The following SIPA1L3 variants were observed in gnomAD, a reference collection of about 807,000 sequenced individuals.
SIPA1L3 encodes the protein signal-induced proliferation-associated 1-like protein 3.
SIPA1L3 carries 59 observed loss-of-function variants against 150.1 expected under a neutral mutation model. The ratio of observed to expected loss-of-function variants is 0.39; its 90% CI spans 0.32 to 0.49. SIPA1L3 has a LOEUF of 0.49. Ranked by LOEUF, SIPA1L3 falls within the 20% of genes least tolerant of loss-of-function variation. The probability of loss-of-function intolerance (pLI) is 0.86; values close to 1 mark genes in which losing one functional copy is unlikely to be tolerated. For missense variants in SIPA1L3, 2,211 were observed against 2,489.5 expected, an observed-to-expected ratio of 0.89 and a Z score of 2.38; for synonymous variants, 1,070 against 1,077.6, an observed-to-expected ratio of 0.99 and a Z score of 0.14.
intron 16 of SIPA1L3, among the ~76,000 whole-genome samples, chr19:38,190,248 T>C (rs1402629993): frequency 6.6e-6 from 1 of 152,112 alleles, no homozygotes; most frequent in African/African-American, 2.4e-5. Context: ...TGCCGGGAGA[T>C]GGGCACCATG....
At chr19:38,031,200 T>C (rs1968647193) in intron 2 of SIPA1L3, among the ~76,000 whole-genome samples, 1 of 152,214 alleles carries the variant, frequency 6.6e-6, no homozygotes, top group Non-Finnish European at 1.5e-5. Flanking sequence ...ATGTCTACCC[T>C]ACATCCAGCT....
chr19:38,157,117 TCCACTACA>T (rs1218617547), intron 13 of SIPA1L3, among the ~76,000 whole-genome samples: 1 of 152,092 alleles, frequency 6.6e-6, no homozygotes, highest in Non-Finnish European at 1.5e-5. Context: ...CAAGCCATGA[TCCACTACA>T]CTCCAGCCTG....
At chr19:38,049,093 G>C (rs374691406) in intron 2 of SIPA1L3, among the ~76,000 whole-genome samples, 10 of 151,368 alleles carry the variant, frequency 6.6e-5, no homozygotes, top group African/African-American at 1.7e-4. Flanking sequence ...AAAAAAAAGC[G>C]GGGGGTGGAC....
At chr19:38,148,363 A>AG (rs1971745346) in intron 12 of SIPA1L3, among the ~76,000 whole-genome samples, 1 of 151,910 alleles carries the variant, frequency 6.6e-6, no homozygotes, top group Non-Finnish European at 1.5e-5. Context: ...AAAAAAAAAA[A>AG]AAGTTGGGGG....
chr19:38,110,203 T>C (rs1323389653), intron 7 of SIPA1L3, 24 bp from the exon 8 acceptor site: 1 of 1,611,354 alleles, frequency 6.2e-7, no homozygotes, highest in East Asian at 2.2e-5. Context: ...CAGGTTCCTG[T>C]CCCCCTCTGT....
intron 1 of SIPA1L3, among the ~76,000 whole-genome samples, chr19:37,951,998 T>C (rs1455634543): frequency 2.0e-5 from 3 of 151,830 alleles, no homozygotes; most frequent in Non-Finnish European, 4.4e-5. Context: ...TTCAGGTCAT[T>C]CCTTATCTTC....
At chr19:38,143,047 C>T (rs1159899562) in intron 12 of SIPA1L3, among the ~76,000 whole-genome samples, 1 of 152,168 alleles carries the variant, frequency 6.6e-6, no homozygotes, top group Non-Finnish European at 1.5e-5. Context: ...CCAGCATTAC[C>T]CAGTTTTCGA....
In SIPA1L3 at chr19:38,101,177, G is replaced by A. The variant is rs147083222; in HGVS notation, c.1980G>A (p.Lys660=). The change falls in exon 6 of 22, where the codon AAG becomes AAA. Residue 660 remains lysine, a synonymous_variant. Coordinates refer to ENST00000222345, the MANE Select transcript of SIPA1L3 (RefSeq NM_015073.3). ...FEEFLSLIGE[K]VCLKGFTKYA... ...AGTTCCTCTCCCTCATCGGCGAGAA[G>A]GTCTGCCTGAAGGGCTTCACCAAGT... 8,533 of 1,606,544 alleles carry A rather than the reference G, an allele frequency of 5.3e-3. 80 individuals carry two copies. Among genetic ancestry groups the A allele is most frequent in the Admixed American group, 0.029 (1,726 of 58,642 alleles).
intron 2 of SIPA1L3, among the ~76,000 whole-genome samples, chr19:38,032,437 G>A (rs1156819316): frequency 1.3e-5 from 2 of 152,144 alleles, no homozygotes; most frequent in African/African-American, 4.8e-5. Flanking sequence ...ATGCATTTGA[G>A]CACCTACTAT....
chr19:37,946,168 T>A (rs9807821), intron 1 of SIPA1L3, among the ~76,000 whole-genome samples: 80,700 of 148,452 alleles, frequency 0.54, 21,771 homozygotes, highest in South Asian at 0.66. Context: ...AAAAAAAAAA[T>A]AATAATAATA....
intron 1 of SIPA1L3, among the ~76,000 whole-genome samples, chr19:37,955,213 G>T (rs1203748079): frequency 6.6e-6 from 1 of 151,546 alleles, no homozygotes; most frequent in East Asian, 1.9e-4. Flanking sequence ...CCAACATGGA[G>T]AAACCCCGTC....
chr19:38,068,366 T>A (rs1969644594), intron 2 of SIPA1L3, among the ~76,000 whole-genome samples: 1 of 152,224 alleles, frequency 6.6e-6, no homozygotes. Context: ...TGCTGAGCTG[T>A]TGCTGACTTG....
chr19:38,026,087 G>T (rs547619458), intron 1 of SIPA1L3, among the ~76,000 whole-genome samples: 176 of 152,336 alleles, frequency 1.2e-3, no homozygotes, highest in Non-Finnish European at 2.6e-4. Flanking sequence ...AGTCTAAAAG[G>T]AAGTGGATGG....
In SIPA1L3 at chr19:38,074,442, T is replaced by TCCCC. The variant is rs576173983; in HGVS notation, c.-310-6812_-310-6811insCCCC. 2.3e-3 allele frequency among the ~76,000 whole-genome samples: 352 copies of TCCCC among 152,104 alleles called. 1 individual carries two copies. The highest frequency in any genetic ancestry group is 7.8e-3 in the African/African-American group (324 of 41,470). ...CTTAAGTGTGGCCTCAAAGGACTAA[T>TCCCC]CCTCCCTCCGCACTCTGCACTCTGA... On this transcript the variant is annotated intron_variant, in intron 2 of 21. Coordinates refer to ENST00000222345, the MANE Select transcript of SIPA1L3 (RefSeq NM_015073.3).
chr19:37,943,830 A>G (rs2046684505), intron 1 of SIPA1L3, among the ~76,000 whole-genome samples: 2 of 152,104 alleles, frequency 1.3e-5, no homozygotes, highest in Admixed American at 1.3e-4. Flanking sequence ...TCCTGTGGAA[A>G]GTCATGTTGA....
At position 38,162,321 on chromosome 19, in the gene SIPA1L3, C is replaced by T. The variant is rs755961383; in HGVS notation, c.3730C>T (p.Pro1244Ser). The T allele has an allele frequency of 1.2e-6, 2 of 1,614,246 alleles. No homozygotes were observed. The highest frequency in any genetic ancestry group is 1.1e-5 in the South Asian group (1 of 91,086). Residue 1244 changes from proline (P) to serine (S), a missense_variant, in exon 14 of 22, where the codon CCG becomes TCG. Pro to Ser is a moderately conservative substitution (Grantham distance 74). Coordinates refer to ENST00000222345, the MANE Select transcript of SIPA1L3 (RefSeq NM_015073.3). ...AGCCGGAAGCAGCGGGAACAAGCAC[C>T]CGTCCAGGCAGGATGCAGCAGGCAA... ...AIAGSSGNKH[P>S]SRQDAAGKDS...
intron 11 of SIPA1L3, among the ~76,000 whole-genome samples, chr19:38,141,678 G>A (rs1159383524): frequency 2.0e-5 from 3 of 152,188 alleles, no homozygotes; most frequent in African/African-American, 7.2e-5. Context: ...ATACTAAGTA[G>A]ACGACTGAAG....
At chr19:38,015,284 T>G (rs1968206226) in intron 1 of SIPA1L3, among the ~76,000 whole-genome samples, 1 of 152,224 alleles carries the variant, frequency 6.6e-6, no homozygotes, top group Non-Finnish European at 1.5e-5. Context: ...TTTTGGCATG[T>G]GCACATTCTA....
intron 16 of SIPA1L3, 43 bp downstream of exon 16, chr19:38,182,783 C>T (rs1972589112): frequency 4.1e-6 from 6 of 1,480,332 alleles, no homozygotes; most frequent in Middle Eastern, 2.3e-4. Context: ...CAGATCCACA[C>T]CAGGGCGTCT....
Sources: allele counts gnomAD v4.1 joint callset (sites outside exome capture counted in the v4.1 genomes callset), GRCh38; gene constraint gnomAD v4.1.1; transcripts MANE v1.5; gene names NCBI Gene and HGNC (gene_info 2026-07-23, HGNC 2026-07-21).